CCDC148: variants seen among roughly 807,000 people sequenced by gnomAD.
CCDC148 encodes the protein coiled-coil domain containing 148, also known as coiled-coil domain-containing protein 148.
CCDC148 carries 89 observed loss-of-function variants against 85.7 expected under a neutral mutation model. The ratio of observed to expected loss-of-function variants is 1.04; its 90% CI spans 0.87 to 1.24. The LOEUF is 1.24. CCDC148 is among the 50% of genes most tolerant of loss of function. CCDC148 has a pLI of 0.00. For synonymous variants in CCDC148, 230 were observed against 213.9 expected (o/e 1.08, Z -0.66); for missense variants, 692 against 671.7 (o/e 1.03, Z -0.33).
At position 158,436,484 on chromosome 2, in the gene CCDC148, G is replaced by C. The variant is rs553162659; in HGVS notation, c.25+19931C>G. ...TGGGACACATTAAAAGCAGTGTGTA[G>C]AGGGAAATTTATAGCACTAAATGCC... is the stretch of plus-strand genomic sequence containing the variant. On this transcript the variant is annotated intron_variant, in intron 1 of 13. Transcript: ENST00000283233. Among the ~76,000 whole-genome samples, 69 of 152,312 alleles carry C rather than the reference G, an allele frequency of 4.5e-4. 1 individual carries two copies. The South Asian group carries it at 0.014, about 30-fold the overall frequency.
intron 9 of CCDC148, among the ~76,000 whole-genome samples, chr2:158,278,937 G>C (rs986919823): frequency 6.6e-6 from 1 of 152,154 alleles, no homozygotes; most frequent in Non-Finnish European, 1.5e-5. Flanking sequence ...AAAACTTCCA[G>C]AGGAACGATC....
At chr2:158,282,938 T>C (rs540225468) in intron 9 of CCDC148, among the ~76,000 whole-genome samples, 38 of 152,128 alleles carry the variant, frequency 2.5e-4, no homozygotes, top group Middle Eastern at 3.4e-3. Flanking sequence ...GAGATATAGA[T>C]CAATGGAACA....
At chr2:158,279,489 C>T (rs1052429860) in intron 9 of CCDC148, among the ~76,000 whole-genome samples, 15 of 152,260 alleles carry the variant, frequency 9.9e-5, no homozygotes, top group Non-Finnish European at 2.1e-4. Flanking sequence ...GCAGAAGCCT[C>T]AGGAGCCGAT....
chr2:158,414,523 T>C (rs1025252122), intron 1 of CCDC148, among the ~76,000 whole-genome samples: 1 of 152,098 alleles, frequency 6.6e-6, no homozygotes, highest in Non-Finnish European at 1.5e-5. Flanking sequence ...ATGGCACACG[T>C]ATACATATGT....
At chr2:158,367,667 G>A (rs1311442321) in intron 1 of CCDC148, among the ~76,000 whole-genome samples, 1 of 152,078 alleles carries the variant, frequency 6.6e-6, no homozygotes, top group Non-Finnish European at 1.5e-5. Flanking sequence ...ATATATTCTG[G>A]AAATCAAAGT....
chr2:158,241,192 C>T (rs1044650801), intron 10 of CCDC148, among the ~76,000 whole-genome samples: 5 of 152,252 alleles, frequency 3.3e-5, no homozygotes, highest in African/African-American at 1.2e-4. Context: ...TGTGTGTGTA[C>T]ACATGCATAT....
chr2:158,361,325 C>T (rs1018365290), intron 1 of CCDC148, among the ~76,000 whole-genome samples: 1 of 152,078 alleles, frequency 6.6e-6, no homozygotes, highest in Non-Finnish European at 1.5e-5. Context: ...ATACAGAGAA[C>T]ACCACAAAGA....
chr2:158,421,198 G>C (rs904019959), intron 1 of CCDC148, among the ~76,000 whole-genome samples: 10 of 152,200 alleles, frequency 6.6e-5, no homozygotes, highest in South Asian at 2.1e-4. Context: ...AAGTTAACAA[G>C]GATATCCAGG....
At chr2:158,302,408 G>A (rs1277769063) in intron 9 of CCDC148, among the ~76,000 whole-genome samples, 1 of 152,092 alleles carries the variant, frequency 6.6e-6, no homozygotes, top group Non-Finnish European at 1.5e-5. Flanking sequence ...AGCCTCTCAT[G>A]TGGCATTCAG....
intron 1 of CCDC148, among the ~76,000 whole-genome samples, chr2:158,421,565 C>A (rs1249558515): frequency 7.9e-5 from 12 of 151,916 alleles, no homozygotes; most frequent in African/African-American, 2.4e-4. Flanking sequence ...AACATACCAC[C>A]ACCTCTGGGA....
chr2:158,238,201 C>T (rs1688196631), intron 10 of CCDC148, among the ~76,000 whole-genome samples: 1 of 151,796 alleles, frequency 6.6e-6, no homozygotes, highest in South Asian at 2.1e-4. Flanking sequence ...TTTAGGGTAC[C>T]TGGAAAGAGC....
intron 10 of CCDC148, among the ~76,000 whole-genome samples, chr2:158,225,114 C>T (rs145516028): frequency 0.016 from 2,481 of 152,138 alleles, 46 homozygotes; most frequent in Middle Eastern, 0.085. Flanking sequence ...GGAAGATCTA[C>T]CAAGCAAAAG....
At chr2:158,172,553 T>G (rs1684369275) in intron 13 of CCDC148, among the ~76,000 whole-genome samples, 1 of 152,106 alleles carries the variant, frequency 6.6e-6, no homozygotes, top group South Asian at 2.1e-4. Flanking sequence ...TTACTTTCAG[T>G]GCTACTATTG....
chr2:158,246,792 C>A (rs1183086695), intron 10 of CCDC148, among the ~76,000 whole-genome samples: 3 of 152,182 alleles, frequency 2.0e-5, no homozygotes, highest in African/African-American at 4.8e-5. Flanking sequence ...AAGTGCAGAA[C>A]CCCAGACCAG....
chr2:158,425,201 C>T (rs1559136606), intron 1 of CCDC148: 3 of 533,596 alleles, frequency 5.6e-6, no homozygotes, highest in East Asian at 1.0e-4. Flanking sequence ...ACTATAGGAA[C>T]CATGACTATG....
intron 2 of CCDC148, among the ~76,000 whole-genome samples, chr2:158,346,478 G>A (rs1184592532): frequency 1.3e-5 from 2 of 151,990 alleles, no homozygotes; most frequent in African/African-American, 4.8e-5. Context: ...TCCTGTACTT[G>A]TCAATCTCCG....
chr2:158,244,530 A>G (rs1054647539), intron 10 of CCDC148, among the ~76,000 whole-genome samples: 5 of 152,110 alleles, frequency 3.3e-5, no homozygotes, highest in Admixed American at 1.3e-4. Flanking sequence ...GCTGGCCATC[A>G]GCCCGGGCCA....
rs568138925 is a variant in CCDC148 at position 158,401,377 on chromosome 2, AG to A, written c.26-42808del. 2.3e-3 allele frequency among the ~76,000 whole-genome samples: 348 copies of A among 152,334 alleles called. 4 individuals are homozygous for A. The highest frequency in any genetic ancestry group is 8.1e-3 in the African/African-American group (335 of 41,588). ...ATGGAATACTATGCAGCCATAAAAA[AG>A]GATGAGTTCATGTCCTTTGCAGGGA... On this transcript the variant is annotated intron_variant, in intron 1 of 13. Coordinates refer to ENST00000283233, the MANE Select transcript of CCDC148 (RefSeq NM_138803.4).
At chr2:158,220,121 C>T (rs947449914) in intron 11 of CCDC148, among the ~76,000 whole-genome samples, 3 of 152,130 alleles carry the variant, frequency 2.0e-5, no homozygotes, top group African/African-American at 7.2e-5. Context: ...TCTAAAATTA[C>T]ATACTTCTAG....
Sources: gnomAD v4.1 joint callset for allele counts (sites outside exome capture counted in the v4.1 genomes callset) on GRCh38, gnomAD v4.1.1 for gene constraint, MANE v1.5 for transcripts, NCBI Gene and HGNC (gene_info 2026-07-23, HGNC 2026-07-21) for gene names.